EVC2: variants seen among roughly 807,000 people sequenced by gnomAD.
EVC2 encodes EvC ciliary complex subunit 2, also known as limbin.
EVC2 carries 148 observed loss-of-function variants against 149.3 expected under a neutral mutation model. The ratio of observed to expected loss-of-function variants is 0.99; its 90% CI spans 0.87 to 1.14. The LOEUF (loss-of-function observed/expected upper bound fraction) is 1.14. EVC2 is among the 50% of genes most tolerant of loss of function. The pLI, the probability that EVC2 is intolerant of heterozygous loss-of-function variation, is 0.00. For synonymous variants in EVC2, 776 were observed against 649.9 expected, an observed-to-expected ratio of 1.19 and a Z score of -2.95; for missense variants, 1,854 against 1,627.3, an observed-to-expected ratio of 1.14 and a Z score of -2.40.
intron 10 of EVC2, among the ~76,000 whole-genome samples, chr4:5,635,029 CT>C (rs34769603): frequency 0.035 from 2,524 of 71,234 alleles, 28 homozygotes; most frequent in African/African-American, 0.13. Context: ...AACAAATGTG[CT>C]TTTTTTTTTT....
chr4:5,561,120 T>A (rs937499237), downstream of EVC2, among the ~76,000 whole-genome samples: 2 of 152,246 alleles, frequency 1.3e-5, no homozygotes, highest in African/African-American at 4.8e-5. Context: ...GCATGCAATC[T>A]ACTTTCAACT....
At position 5,576,043 on chromosome 4, in the gene EVC2, T is replaced by C. The variant is rs925845577; in HGVS notation, c.3272+197A>G. 6.6e-5 allele frequency among the ~76,000 whole-genome samples: 10 copies of C among 152,138 alleles called. No homozygotes were observed. The highest frequency in any genetic ancestry group is 2.4e-4 in the African/African-American group (10 of 41,424). Reference sequence around the variant, plus strand: ...TACGTTTGGTAAAACTTCAATGATATTAAATTTAAAAAAGAAGGGCATCAG... The same window carrying C: ...TACGTTTGGTAAAACTTCAATGATACTAAATTTAAAAAAGAAGGGCATCAG... On this transcript the variant is annotated intron_variant, in intron 18 of 21. Coordinates refer to ENST00000344408, the MANE Select transcript of EVC2 (RefSeq NM_147127.5). This position sits in a 1 kb window ranked among gnomAD's most constrained non-coding sequence, Gnocchi z 4.5.
rs1325520570 is a variant in EVC2, at chr4:5,565,282, A to AT, written c.3634_3635insA (p.Leu1212HisfsTer53). ...CCTCTGCTTTCTCTTGCGGGCCCACAGCATCTTTTCTAATCCTCTGCTTAT... is the reference window on the plus strand; with the variant it reads ...CCTCTGCTTTCTCTTGCGGGCCCACATGCATCTTTTCTAATCCTCTGCTTAT... On this transcript the variant is annotated frameshift_variant, in exon 21 of 22. Transcript: ENST00000344408. LOFTEE classifies it low-confidence loss of function (END_TRUNC). 1.9e-6 allele frequency: 3 copies of AT among 1,613,982 alleles called. No homozygotes were observed. Among genetic ancestry groups the AT allele is most frequent in the Non-Finnish European group, 2.5e-6 (3 of 1,179,988 alleles).
intron 16 of EVC2, among the ~76,000 whole-genome samples, chr4:5,588,317 A>G (rs1712481321): frequency 1.3e-5 from 2 of 151,988 alleles, no homozygotes; most frequent in South Asian, 4.2e-4. Flanking sequence ...TGCTTTGAAG[A>G]TTTTCTCTTT....
At chr4:5,642,035 C>G (rs1037444453) in intron 9 of EVC2, among the ~76,000 whole-genome samples, 17 of 148,356 alleles carry the variant, frequency 1.1e-4, no homozygotes, top group African/African-American at 4.0e-4. Context: ...TGAGAACATG[C>G]AGTGTTTGGT....
rs545185682 is a variant in EVC2, at chr4:5,625,653, T to A, written c.2046+96A>T. The A allele has an allele frequency of 6.5e-7, 1 of 1,530,466 alleles. No individual in the cohort carries two copies. The highest frequency in any genetic ancestry group is 1.4e-5 in the African/African-American group (1 of 72,886). 94.8% of individuals were successfully genotyped at this position (1,530,466 alleles called of 1,614,324 possible). On this transcript the variant is annotated intron_variant, in intron 13 of 21. Coordinates refer to ENST00000344408, the MANE Select transcript of EVC2 (RefSeq NM_147127.5). The surrounding 1 kb of genome is among the most constrained non-coding windows in gnomAD (Gnocchi z 4.0). ...GCCTGCCCAGCTGCCCTTCTGATCC[T>A]AGTTCACCAATGGCAATGTCTGGCA...
In EVC2 at chr4:5,602,350, T is replaced by C. The variant is rs560902346; in HGVS notation, c.2829+13072A>G. ...GTGGATTAAATTGATGATAAATACATAGAAAAGTAACTAAAAAGGAAACTA... is the reference window on the plus strand; with the variant it reads ...GTGGATTAAATTGATGATAAATACACAGAAAAGTAACTAAAAAGGAAACTA... On this transcript the variant is annotated intron_variant, in intron 16 of 21. Coordinates refer to ENST00000344408, the MANE Select transcript of EVC2 (RefSeq NM_147127.5). Among the ~76,000 whole-genome samples the C allele has an allele frequency of 7.4e-4, 76 of 102,682 alleles. 1 individual carries two copies. Among genetic ancestry groups the C allele is most frequent in the African/African-American group, 2.6e-3 (72 of 27,250 alleles). 67.4% of individuals were successfully genotyped at this position (102,682 alleles called of 152,430 possible). A position where few individuals can be genotyped will look rare whatever the true frequency, so the allele number is the denominator to read the frequency against.
chr4:5,584,310 G>A (rs1712071605), intron 17 of EVC2, among the ~76,000 whole-genome samples: 1 of 152,126 alleles, frequency 6.6e-6, no homozygotes, highest in African/African-American at 2.4e-5. Flanking sequence ...TTAGGATGCT[G>A]CTAATAGGAA....
intron 12 of EVC2, among the ~76,000 whole-genome samples, chr4:5,627,093 G>A (rs906700365): frequency 7.9e-5 from 12 of 152,162 alleles, no homozygotes; most frequent in African/African-American, 2.2e-4. Context: ...CTGTTTCCCT[G>A]GAGTACCCTG....
At chr4:5,607,870 A>G (rs1224423906) in intron 16 of EVC2, among the ~76,000 whole-genome samples, 1 of 152,032 alleles carries the variant, frequency 6.6e-6, no homozygotes, top group Non-Finnish European at 1.5e-5. Context: ...TCCCTAAAGA[A>G]GGAAGCAGAA....
In EVC2 at chr4:5,662,633, AAATAT is replaced by A. The variant is rs573407991; in HGVS notation, c.1145+469_1145+473del. The stretch of plus-strand genomic sequence containing the variant: ...AAATATATTTAGATTAATTATATTA[AAATAT>A]AATATATTAATTATATTTATATTGA... On this transcript the variant is annotated intron_variant, in intron 9 of 21. Transcript: ENST00000344408. 2.1e-3 allele frequency among the ~76,000 whole-genome samples: 307 copies of A among 145,448 alleles called. 3 individuals carry two copies. The highest frequency in any genetic ancestry group is 7.2e-3 in the African/African-American group (287 of 40,078).
chr4:5,607,997 C>G (rs1714531904), intron 16 of EVC2, among the ~76,000 whole-genome samples: 1 of 151,892 alleles, frequency 6.6e-6, no homozygotes, highest in Non-Finnish European at 1.5e-5. Flanking sequence ...GAGGTGAAGG[C>G]CTTCTCATCC....
rs1339139339 is a variant in EVC2 at position 5,696,035 on chromosome 4, G to A, written c.284-1534C>T. Among the ~76,000 whole-genome samples the A allele has an allele frequency of 2.0e-5, 3 of 152,230 alleles. No individual in the cohort carries two copies. Among genetic ancestry groups the A allele is most frequent in the East Asian group, 1.9e-4 (1 of 5,172 alleles). ...AAGCATCGGGGAACTGATGGCCCTC[G>A]CCATGGAAACAAGTGGGTGCTCCAC... On this transcript the variant is annotated intron_variant, in intron 2 of 21. Transcript: ENST00000344408. The surrounding 1 kb of genome is among the most constrained non-coding windows in gnomAD (Gnocchi z 4.1).
At chr4:5,584,532 G>T in intron 17 of EVC2, 91 bp downstream of exon 17, 1 of 1,293,010 alleles carries the variant, frequency 7.7e-7, no homozygotes, top group Non-Finnish European at 1.1e-6. Context: ...ACAGGACGGG[G>T]GTTGCAGCCT....
At chr4:5,664,615 A>T (rs532695871) in intron 8 of EVC2, among the ~76,000 whole-genome samples, 1 of 152,292 alleles carries the variant, frequency 6.6e-6, no homozygotes, top group South Asian at 2.1e-4. Context: ...TTGAAATGAC[A>T]ATCCTCTCCT....
chr4:5,680,051 C>T lies in EVC2; in HGVS notation c.870+1209G>A, dbSNP rs574260930. Reference sequence around the variant, plus strand: ...CAGGATCATCAATATCACTGCCTTCCACCCCGACACTCTGTCCCACTGGAA... The same window carrying T: ...CAGGATCATCAATATCACTGCCTTCTACCCCGACACTCTGTCCCACTGGAA... On this transcript the variant is annotated intron_variant, in intron 7 of 21. Transcript: ENST00000344408. Among the ~76,000 whole-genome samples the T allele has an allele frequency of 6.6e-4, 100 of 152,224 alleles. 1 individual carries two copies. The highest frequency in any genetic ancestry group is 2.4e-3 in the African/African-American group (99 of 41,532).
At chr4:5,632,152 G>T in intron 10 of EVC2, 120 bp from the exon 11 acceptor site, 1 of 1,334,350 alleles carries the variant, frequency 7.5e-7, no homozygotes. Flanking sequence ...ACACACAGAT[G>T]CATGCACATA....
Position 5,650,630 on chromosome 4 carries a change from TATATATATAGAGAG to T in EVC2, c.1146-9806_1146-9793del, listed in dbSNP as rs1191895156. 5.0e-3 allele frequency among the ~76,000 whole-genome samples: 341 copies of T among 67,880 alleles called. 1 individual carries two copies. The highest frequency in any genetic ancestry group is 0.036 in the East Asian group (70 of 1,926). 44.5% of individuals were successfully genotyped at this position (67,880 alleles called of 152,430 possible). A position where few individuals can be genotyped will look rare whatever the true frequency, so the allele number is the denominator to read the frequency against. On this transcript the variant is annotated intron_variant, in intron 9 of 21. Coordinates refer to ENST00000344408, the MANE Select transcript of EVC2 (RefSeq NM_147127.5). ...ATATATATATATATATATATATATA[TATATATATAGAGAG>T]AGAGAGAGAGAGAGAGAGAGAGAGA...
At chr4:5,624,403 AT>A (rs1715951664) in intron 13 of EVC2, among the ~76,000 whole-genome samples, 1 of 152,222 alleles carries the variant, frequency 6.6e-6, no homozygotes, top group African/African-American at 2.4e-5. Flanking sequence ...ACCCATGTTC[AT>A]GGGTCCTGGT....
Sources: gnomAD v4.1 joint callset for allele counts (sites outside exome capture counted in the v4.1 genomes callset) on GRCh38, gnomAD v4.1.1 for gene constraint, Gnocchi (gnomAD v3.1) non-coding constraint, MANE v1.5 for transcripts, NCBI Gene and HGNC (gene_info 2026-07-23, HGNC 2026-07-21) for gene names.